The following SLC35F1 variants were observed in gnomAD, a reference collection of about 807,000 sequenced individuals.
SLC35F1 encodes solute carrier family 35 member F1, also known as chromosome 6 open reading frame 169.
Under a neutral mutation model 48.7 loss-of-function variants are expected in SLC35F1, and 14 were observed. The ratio of observed to expected loss-of-function variants is 0.29; its 90% CI spans 0.19 to 0.45. The LOEUF is 0.45. Ranked by LOEUF, SLC35F1 falls within the 20% of genes least tolerant of loss-of-function variation. The pLI, the probability that SLC35F1 is intolerant of heterozygous loss-of-function variation, is 1.00. For synonymous variants in SLC35F1, 190 were observed against 202.2 expected (o/e 0.94, Z 0.51); for missense variants, 404 against 500.0 (o/e 0.81, Z 1.83).
At chr6:118,136,311 C>T (rs1773794186) in intron 1 of SLC35F1, among the ~76,000 whole-genome samples, 1 of 152,200 alleles carries the variant, frequency 6.6e-6, no homozygotes, top group Non-Finnish European at 1.5e-5. Context: ...GTCTAGACCT[C>T]TCATCTTTGA....
chr6:118,059,360 C>A (rs771563430), intron 1 of SLC35F1, among the ~76,000 whole-genome samples: 4 of 152,148 alleles, frequency 2.6e-5, no homozygotes, highest in Non-Finnish European at 4.4e-5. Flanking sequence ...TGGGCTGTCA[C>A]TCTGTAAATT....
At chr6:118,263,796 T>C (rs796820688) in intron 3 of SLC35F1, among the ~76,000 whole-genome samples, 3 of 152,262 alleles carry the variant, frequency 2.0e-5, no homozygotes, top group African/African-American at 7.2e-5. Context: ...GTTGAAAAAT[T>C]ATTTTGTCAG....
At chr6:117,933,264 A>G (rs1172821405) in intron 1 of SLC35F1, among the ~76,000 whole-genome samples, 1 of 152,168 alleles carries the variant, frequency 6.6e-6, no homozygotes, top group African/African-American at 2.4e-5. Context: ...ACCATATTCT[A>G]TATTTAAACT....
intron 2 of SLC35F1, among the ~76,000 whole-genome samples, chr6:118,181,998 A>G (rs2114511179): frequency 6.6e-6 from 1 of 152,324 alleles, no homozygotes; most frequent in South Asian, 2.1e-4. Flanking sequence ...AAGAAATAGT[A>G]AAGTGTGTTT....
chr6:118,247,901 A>G (rs1775528585), intron 3 of SLC35F1, among the ~76,000 whole-genome samples: 1 of 152,244 alleles, frequency 6.6e-6, no homozygotes, highest in Non-Finnish European at 1.5e-5. Context: ...AAGTTTCTTT[A>G]TAATTTATCC....
intron 4 of SLC35F1, among the ~76,000 whole-genome samples, chr6:118,273,076 A>C (rs1469302853): frequency 6.6e-6 from 1 of 152,040 alleles, no homozygotes; most frequent in Non-Finnish European, 1.5e-5. Flanking sequence ...AATAATATTT[A>C]ATCTTTTTGT....
At chr6:118,110,368 T>G (rs1453369412) in intron 1 of SLC35F1, among the ~76,000 whole-genome samples, 2 of 152,022 alleles carry the variant, frequency 1.3e-5, no homozygotes, top group Non-Finnish European at 2.9e-5. Flanking sequence ...GTAGAAACAA[T>G]AAACTGTAAT....
chr6:117,970,602 G>C (rs1776626069), intron 1 of SLC35F1, among the ~76,000 whole-genome samples: 1 of 152,130 alleles, frequency 6.6e-6, no homozygotes, highest in Non-Finnish European at 1.5e-5. Flanking sequence ...ATCCGAGACT[G>C]GGTAATTTAT....
At chr6:118,070,995 T>C (rs1475031881) in intron 1 of SLC35F1, among the ~76,000 whole-genome samples, 5 of 730 alleles carry the variant, frequency 6.8e-3, no homozygotes, top group Non-Finnish European at 0.015. Context: ...ATTCTACGTG[T>C]GTGTATATAT....
intron 3 of SLC35F1, among the ~76,000 whole-genome samples, chr6:118,255,525 T>C (rs1479998032): frequency 6.6e-6 from 1 of 152,226 alleles, no homozygotes; most frequent in Non-Finnish European, 1.5e-5. Context: ...TAATTATCTG[T>C]ATGTTCCGGT....
intron 2 of SLC35F1, among the ~76,000 whole-genome samples, chr6:118,182,450 C>A (rs902525049): frequency 6.7e-6 from 1 of 149,218 alleles, no homozygotes; most frequent in Non-Finnish European, 1.5e-5. Context: ...TGTGTTCACA[C>A]CGCTGCACTC....
chr6:118,176,019 G>T (rs1774483660), intron 2 of SLC35F1, among the ~76,000 whole-genome samples: 1 of 151,992 alleles, frequency 6.6e-6, no homozygotes, highest in Non-Finnish European at 1.5e-5. Context: ...TAAGTATTTT[G>T]AGCTCATTGG....
chr6:118,231,010 A>C (rs891306077), intron 2 of SLC35F1, among the ~76,000 whole-genome samples: 2 of 152,086 alleles, frequency 1.3e-5, no homozygotes, highest in Admixed American at 1.3e-4. Flanking sequence ...ACAACAACAA[A>C]AAAACAATAT....
chr6:118,220,959 A>G (rs1389662787), intron 2 of SLC35F1, among the ~76,000 whole-genome samples: 1 of 152,142 alleles, frequency 6.6e-6, no homozygotes, highest in East Asian at 1.9e-4. Context: ...TGTGCTTCCC[A>G]ACATGTTTGT....
intron 1 of SLC35F1, among the ~76,000 whole-genome samples, chr6:118,033,233 G>A (rs1772078987): frequency 2.0e-5 from 3 of 150,744 alleles, no homozygotes; most frequent in South Asian, 4.1e-4. Flanking sequence ...TTATTGAATG[G>A]CATTTTATTT....
At chr6:118,225,276 C>G (rs1775200473) in intron 2 of SLC35F1, among the ~76,000 whole-genome samples, 1 of 152,104 alleles carries the variant, frequency 6.6e-6, no homozygotes, top group Admixed American at 6.5e-5. Flanking sequence ...CAGCATGGTA[C>G]TGGCATAAAA....
At chr6:118,088,971 T>G (rs1186991410) in intron 1 of SLC35F1, among the ~76,000 whole-genome samples, 1 of 152,178 alleles carries the variant, frequency 6.6e-6, no homozygotes, top group Non-Finnish European at 1.5e-5. Flanking sequence ...TAAGGAGAGA[T>G]AGATCTACTA....
At chr6:118,136,837 C>T (rs1040545547) in intron 1 of SLC35F1, among the ~76,000 whole-genome samples, 1 of 152,198 alleles carries the variant, frequency 6.6e-6, no homozygotes, top group Non-Finnish European at 1.5e-5. Flanking sequence ...GAGGAGAACA[C>T]TCTGTAAGAA....
chr6:117,973,337 G>A (rs138028500), intron 1 of SLC35F1, among the ~76,000 whole-genome samples: 380 of 152,172 alleles, frequency 2.5e-3, no homozygotes, highest in African/African-American at 8.8e-3. Flanking sequence ...AAGTGAACTG[G>A]GGGTTAGGAC....
Sources: gnomAD v4.1 joint callset for allele counts (sites outside exome capture counted in the v4.1 genomes callset) on GRCh38, gnomAD v4.1.1 for gene constraint, MANE v1.5 for transcripts, NCBI Gene and HGNC (gene_info 2026-07-23, HGNC 2026-07-21) for gene names.